The following CNOT6L variants were observed in gnomAD, a reference collection of about 807,000 sequenced individuals.
CNOT6L encodes CCR4-NOT transcription complex subunit 6-like.
A neutral mutation model predicts 64.0 loss-of-function variants in CNOT6L; 7 were observed. The observed-to-expected ratio is 0.11, with a 90% CI of 0.06 to 0.21. The LOEUF (loss-of-function observed/expected upper bound fraction) is 0.21, where lower values mean the gene tolerates loss of function less well. Among genes scored for constraint, CNOT6L ranks in the 10% least tolerant of loss-of-function variants. The pLI is 1.00. For synonymous variants in CNOT6L, 193 were observed against 243.4 expected, an observed-to-expected ratio of 0.79 and a Z score of 1.93; for missense variants, 245 against 669.0, an observed-to-expected ratio of 0.37 and a Z score of 6.99.
At chr4:77,808,809 T>C (rs562479623) in intron 1 of CNOT6L, among the ~76,000 whole-genome samples, 15 of 152,324 alleles carry the variant, frequency 9.8e-5, no homozygotes, top group Admixed American at 7.8e-4. Flanking sequence ...CTGTATGTCA[T>C]AGCACTTAAT....
chr4:77,754,901 A>C (rs1350187867), intron 5 of CNOT6L, among the ~76,000 whole-genome samples: 1 of 145,750 alleles, frequency 6.9e-6, no homozygotes, highest in African/African-American at 2.5e-5. Flanking sequence ...AAAAAAAAAA[A>C]AAAAAAAAAA....
chr4:77,810,885 A>C (rs1212395273), intron 1 of CNOT6L, among the ~76,000 whole-genome samples: 1 of 151,958 alleles, frequency 6.6e-6, no homozygotes, highest in Non-Finnish European at 1.5e-5. Context: ...AGAAGTGAGA[A>C]TACGTGGTGT....
chr4:77,761,747 A>G (rs1726270012), intron 4 of CNOT6L, among the ~76,000 whole-genome samples: 1 of 152,164 alleles, frequency 6.6e-6, no homozygotes, highest in Non-Finnish European at 1.5e-5. Flanking sequence ...CTTCTATTCA[A>G]TATAGTACTA....
At chr4:77,755,444 T>C (rs2109995379) in intron 5 of CNOT6L, among the ~76,000 whole-genome samples, 1 of 152,072 alleles carries the variant, frequency 6.6e-6, no homozygotes, top group East Asian at 1.9e-4. Flanking sequence ...CTCGATCTCT[T>C]GACCTCGTGA....
chr4:77,775,720 T>C (rs1476007357), intron 2 of CNOT6L, among the ~76,000 whole-genome samples: 6 of 152,220 alleles, frequency 3.9e-5, no homozygotes, highest in African/African-American at 1.4e-4. Flanking sequence ...TTGTTTTACA[T>C]GACCATGACA....
chr4:77,786,634 G>A (rs1178220668), intron 1 of CNOT6L, among the ~76,000 whole-genome samples: 4 of 151,738 alleles, frequency 2.6e-5, no homozygotes, highest in East Asian at 2.0e-4. Context: ...ACCACCCCAC[G>A]CCTGGCTAAT....
intron 8 of CNOT6L, among the ~76,000 whole-genome samples, chr4:77,737,607 G>A (rs2109921636): frequency 6.6e-6 from 1 of 151,894 alleles, no homozygotes; most frequent in Admixed American, 6.6e-5. Context: ...TTTTAGTAGA[G>A]ACAGGTTTTC....
chr4:77,813,090 A>C (rs1005139033), intron 1 of CNOT6L, among the ~76,000 whole-genome samples: 6 of 152,322 alleles, frequency 3.9e-5, no homozygotes, highest in Admixed American at 6.5e-5. Context: ...ATACAATTCA[A>C]TGGAGAAAGA....
intron 1 of CNOT6L, among the ~76,000 whole-genome samples, chr4:77,795,482 C>T (rs1730730563): frequency 6.6e-6 from 1 of 152,118 alleles, no homozygotes; most frequent in East Asian, 1.9e-4. Context: ...TGGGAGGTGA[C>T]TGAATCATGG....
At chr4:77,770,811 A>G (rs1727452582) in intron 4 of CNOT6L, among the ~76,000 whole-genome samples, 2 of 152,324 alleles carry the variant, frequency 1.3e-5, no homozygotes, top group Non-Finnish European at 1.5e-5. Context: ...GCCAAAGACA[A>G]TCGTTTGGAA....
At chr4:77,803,082 G>A (rs993242548) in intron 1 of CNOT6L, among the ~76,000 whole-genome samples, 1 of 151,986 alleles carries the variant, frequency 6.6e-6, no homozygotes, top group African/African-American at 2.4e-5. Context: ...TATTGATAAT[G>A]AGCAATAAGG....
At chr4:77,819,443 G>GCAAACA (rs1734049487), upstream of CNOT6L, 2 of 1,568,710 alleles carry the variant, frequency 1.3e-6, no homozygotes, top group Non-Finnish European at 1.7e-6. Context: ...AGACGCAGAC[G>GCAAACA]CAAACACAAA....
At chr4:77,754,965 A>C (rs2109992503) in intron 5 of CNOT6L, among the ~76,000 whole-genome samples, 1 of 145,256 alleles carries the variant, frequency 6.9e-6, no homozygotes, top group Non-Finnish European at 1.5e-5. Context: ...TTGTGGTATC[A>C]AAAAATTCTT....
At chr4:77,724,985 C>T (rs551076857) in intron 11 of CNOT6L, among the ~76,000 whole-genome samples, 18 of 152,198 alleles carry the variant, frequency 1.2e-4, no homozygotes, top group African/African-American at 3.6e-4. Flanking sequence ...GTACTTAAAC[C>T]ACAGAAATCG....
At chr4:77,798,883 G>A (rs1731180598) in intron 1 of CNOT6L, among the ~76,000 whole-genome samples, 2 of 151,468 alleles carry the variant, frequency 1.3e-5, no homozygotes, top group African/African-American at 4.8e-5. Flanking sequence ...TAAGGCAGCC[G>A]AGGTAGGATT....
intron 1 of CNOT6L, among the ~76,000 whole-genome samples, chr4:77,807,386 A>C (rs1732371662): frequency 6.6e-6 from 1 of 152,136 alleles, no homozygotes; most frequent in Non-Finnish European, 1.5e-5. Flanking sequence ...TCTCTTAAAA[A>C]AAAAACTCAC....
intron 1 of CNOT6L, among the ~76,000 whole-genome samples, chr4:77,797,945 T>G (rs1441530818): frequency 6.6e-6 from 1 of 152,138 alleles, no homozygotes; most frequent in Non-Finnish European, 1.5e-5. Flanking sequence ...CGCAAGGATA[T>G]CTTCAACACC....
At chr4:77,756,009 A>C (rs1725537514) in intron 5 of CNOT6L, among the ~76,000 whole-genome samples, 2 of 151,786 alleles carry the variant, frequency 1.3e-5, no homozygotes, top group African/African-American at 2.4e-5. Context: ...TTTGAGACAG[A>C]GTCACGCTCT....
intron 4 of CNOT6L, among the ~76,000 whole-genome samples, chr4:77,768,989 T>C (rs1251547409): frequency 6.6e-6 from 1 of 152,160 alleles, no homozygotes; most frequent in Non-Finnish European, 1.5e-5. Flanking sequence ...GCTGTACTGC[T>C]TATAGTAGCC....
Sources: gnomAD v4.1 joint callset for allele counts (sites outside exome capture counted in the v4.1 genomes callset) on GRCh38, gnomAD v4.1.1 for gene constraint, MANE v1.5 for transcripts, NCBI Gene and HGNC (gene_info 2026-07-23, HGNC 2026-07-21) for gene names.